ERCC6: variants seen among roughly 807,000 people sequenced by gnomAD.
The protein encoded by ERCC6 is DNA excision repair protein ERCC-6.
A neutral mutation model predicts 158.7 loss-of-function variants in ERCC6; 116 were observed. The observed-to-expected ratio is 0.73, with a 90% CI of 0.63 to 0.85. The LOEUF (loss-of-function observed/expected upper bound fraction) is 0.85. ERCC6 is among the 40% of genes least tolerant of loss of function. The pLI is 0.00. For synonymous variants in ERCC6, 678 were observed against 659.3 expected (o/e 1.03, Z -0.43); for missense variants, 1,698 against 1,799.4 (o/e 0.94, Z 1.02).
intron 5 of ERCC6, chr10:49,515,690 T>C (rs377170944): frequency 1.2e-6 from 2 of 1,614,032 alleles, no homozygotes; most frequent in East Asian, 2.2e-5. Flanking sequence ...CACGGATTGA[T>C]GCCCGATACT....
chr10:49,488,655 T>C (rs544412107), intron 8 of ERCC6, among the ~76,000 whole-genome samples: 38 of 152,134 alleles, frequency 2.5e-4, no homozygotes, highest in African/African-American at 8.7e-4. Flanking sequence ...TTTTTTTTTT[T>C]TTTAAAGTTT....
At position 49,493,231 on chromosome 10, in the gene ERCC6, A is replaced by G. The variant is rs779916118; in HGVS notation, c.1707T>C (p.Thr569=). 1 of 1,614,162 alleles carries G rather than the reference A, an allele frequency of 6.2e-7. No individual in the cohort carries two copies. The highest frequency in any genetic ancestry group is 2.2e-5 in the East Asian group (1 of 44,864). Residue 569 remains threonine, a synonymous_variant, in exon 8 of 21, where the codon ACT becomes ACC. Transcript: ENST00000355832. ...SNYRFEGLGP[T]VIVCPTTVMH... ...TCACTGTTGTTGGACAGACAATTAC[A>G]GTTGGACCCAACCCCTCAAACCTGC...
In ERCC6 at chr10:49,461,430, TGACGAGAGAGCCTCAGTGCTTTCAG is replaced by T. The variant is rs1850580975; in HGVS notation, c.3880_3904del (p.Leu1294SerfsTer57). ...ACCAGACACTGCTCCCAGACACCGC[TGACGAGAGAGCCTCAGTGCTTTCAG>T]GGCATCCTGGGCCACTCGGTTGGCT... On this transcript the variant is annotated frameshift_variant, in exon 19 of 21. Coordinates refer to ENST00000355832, the MANE Select transcript of ERCC6 (RefSeq NM_000124.4). LOFTEE classifies it high-confidence loss of function. The T allele has an allele frequency of 6.2e-7, 1 of 1,614,060 alleles. No individual in the cohort carries two copies. Among genetic ancestry groups the T allele is most frequent in the Non-Finnish European group, 8.5e-7 (1 of 1,180,040 alleles).
At chr10:49,522,301 G>A (rs1837188447) in intron 5 of ERCC6, among the ~76,000 whole-genome samples, 1 of 152,104 alleles carries the variant, frequency 6.6e-6, no homozygotes, top group South Asian at 2.1e-4. Flanking sequence ...TCTCAATCCT[G>A]AGCATTTTAT....
At chr10:49,451,266 C>A (rs1004619778), downstream of ERCC6, among the ~76,000 whole-genome samples, 9 of 147,226 alleles carry the variant, frequency 6.1e-5, no homozygotes, top group African/African-American at 2.0e-4. Context: ...TCCTTTCCAA[C>A]CTTTATTTTC....
intron 3 of ERCC6, among the ~76,000 whole-genome samples, chr10:49,529,780 G>C (rs1409743784): frequency 6.6e-6 from 1 of 152,078 alleles, no homozygotes; most frequent in Non-Finnish European, 1.5e-5. Context: ...AACTGAAATG[G>C]TTACAGCTAG....
chr10:49,535,594 CAT>C (rs1837577565), intron 1 of ERCC6, among the ~76,000 whole-genome samples: 1 of 152,156 alleles, frequency 6.6e-6, no homozygotes, highest in Admixed American at 6.5e-5. Flanking sequence ...TTTGTACACA[CAT>C]GAGGATTTCT....
intron 6 of ERCC6, chr10:49,504,689 T>C (rs548929040): frequency 2.0e-5 from 3 of 152,294 alleles, no homozygotes; most frequent in Non-Finnish European, 4.4e-5. Context: ...GGCCTTTATT[T>C]ACCTTTCCAT....
chr10:49,487,535 T>C (rs1236547619), intron 8 of ERCC6, among the ~76,000 whole-genome samples: 1 of 151,960 alleles, frequency 6.6e-6, no homozygotes, highest in East Asian at 1.9e-4. Flanking sequence ...CTGGTGCCAG[T>C]GAAGAAAGCA....
At chr10:49,526,553 A>G (rs956432245) in intron 4 of ERCC6, among the ~76,000 whole-genome samples, 9 of 152,196 alleles carry the variant, frequency 5.9e-5, no homozygotes, top group African/African-American at 2.2e-4. Flanking sequence ...TCTGATGAAC[A>G]GAAGTTCTTG....
intron 8 of ERCC6, among the ~76,000 whole-genome samples, chr10:49,489,653 T>C (rs866731824): frequency 2.6e-5 from 4 of 152,166 alleles, no homozygotes; most frequent in African/African-American, 9.7e-5. Context: ...ACAGAACTAC[T>C]AGAGACTACG....
At chr10:49,484,113 T>TA (rs1225190000) in intron 8 of ERCC6, among the ~76,000 whole-genome samples, 5 of 150,486 alleles carry the variant, frequency 3.3e-5, no homozygotes, top group Admixed American at 6.6e-5. Context: ...AGCCTATCTC[T>TA]AAAAAAAAAT....
chr10:49,514,686 T>C (rs921490050), intron 5 of ERCC6, among the ~76,000 whole-genome samples: 3 of 152,168 alleles, frequency 2.0e-5, no homozygotes, highest in African/African-American at 7.2e-5. Context: ...CCTATTGCAA[T>C]ATCCATTTAA....
intron 10 of ERCC6, among the ~76,000 whole-genome samples, chr10:49,479,388 A>C (rs1850937130): frequency 6.6e-6 from 1 of 152,026 alleles, no homozygotes; most frequent in Non-Finnish European, 1.5e-5. Context: ...AAAATACCTC[A>C]CTCATGCACA....
rs1850579038 is a variant in ERCC6 at position 49,461,381 on chromosome 10, C to T, written c.3954G>A (p.Arg1318=). ...TTCCTGCTGGTGCACCAGAAATCCC[C>T]CTGTGGCCAGTCCAGGTGGGAACAC... ...VSGVPTWTGH[R]GISGAPAGKK... is the part of the protein sequence containing the mutation. Residue 1318 remains arginine (R), a synonymous_variant, in exon 19 of 21, where the codon AGG becomes AGA. Coordinates refer to ENST00000355832, the MANE Select transcript of ERCC6 (RefSeq NM_000124.4). 7 of 1,613,738 alleles carry T rather than the reference C, an allele frequency of 4.3e-6. No individual in the cohort carries two copies. The East Asian group carries it at 8.9e-5, about 21-fold the overall frequency.
chr10:49,468,024 T>C (rs1029696442), intron 18 of ERCC6, among the ~76,000 whole-genome samples: 1 of 152,176 alleles, frequency 6.6e-6, no homozygotes, highest in Admixed American at 6.5e-5. Context: ...CTCTGTATCA[T>C]ACCCAATGCC....
intron 5 of ERCC6, chr10:49,516,752 T>C (rs1422773881): frequency 6.2e-7 from 1 of 1,614,170 alleles, no homozygotes; most frequent in East Asian, 2.2e-5. Context: ...CTACGGGTTG[T>C]ACAGTTAGGT....
chr10:49,492,851 T>C (rs1313627921), intron 8 of ERCC6, among the ~76,000 whole-genome samples: 1 of 152,234 alleles, frequency 6.6e-6, no homozygotes, highest in Admixed American at 6.5e-5. Flanking sequence ...GCCAGGCTTG[T>C]GCCCTGTCTG....
intron 5 of ERCC6, chr10:49,516,808 T>C (rs1317771105): frequency 6.2e-7 from 1 of 1,614,180 alleles, no homozygotes; most frequent in Admixed American, 1.7e-5. Context: ...TTCCTCCTCC[T>C]TGATGGTGGA....
Sources: gnomAD v4.1 joint callset for allele counts (sites outside exome capture counted in the v4.1 genomes callset) on GRCh38, gnomAD v4.1.1 for gene constraint, MANE v1.5 for transcripts, NCBI Gene and HGNC (gene_info 2026-07-23, HGNC 2026-07-21) for gene names.